AVL9: variants seen among roughly 807,000 people sequenced by gnomAD.
AVL9 encodes AVL9 cell migration associated.
Under a neutral mutation model 79.2 loss-of-function variants are expected in AVL9, and 49 were observed. The observed-to-expected ratio is 0.62, with a 90% CI of 0.49 to 0.79. AVL9 has a LOEUF of 0.79. Among genes scored for constraint, AVL9 ranks in the 30% least tolerant of loss-of-function variants. AVL9 has a pLI of 0.00. For synonymous variants in AVL9, 299 were observed against 280.6 expected (o/e 1.07, Z -0.65); for missense variants, 682 against 776.8 (o/e 0.88, Z 1.45).
rs573016400 is a variant in AVL9 at position 32,556,253 on chromosome 7, G to A, written c.609+1657G>A. Among the ~76,000 whole-genome samples the A allele has an allele frequency of 9.5e-4, 144 of 152,124 alleles. 2 individuals are homozygous for A. The highest frequency in any genetic ancestry group is 1.7e-3 in the South Asian group (8 of 4,796). Reference sequence around the variant, plus strand: ...CTTCAGGCTGGGCACAGTGGCTCACGCCTGTAATCTCAGCACTTTGGGAGG... The same window carrying A: ...CTTCAGGCTGGGCACAGTGGCTCACACCTGTAATCTCAGCACTTTGGGAGG... On this transcript the variant is annotated intron_variant, in intron 8 of 15. Transcript: ENST00000318709.
At chr7:32,520,398 C>T (rs796760536) in intron 1 of AVL9, among the ~76,000 whole-genome samples, 12 of 152,266 alleles carry the variant, frequency 7.9e-5, no homozygotes, top group African/African-American at 2.2e-4. Flanking sequence ...TATTGATGCA[C>T]GACCCACAGC....
chr7:32,557,666 C>T (rs537586109), intron 8 of AVL9, among the ~76,000 whole-genome samples: 2 of 152,064 alleles, frequency 1.3e-5, no homozygotes, highest in East Asian at 1.9e-4. Flanking sequence ...ATGTGAAGTT[C>T]GATCATTTGG....
At chr7:32,537,468 T>G (rs993174823) in intron 1 of AVL9, 2 of 145,866 alleles carry the variant, frequency 1.4e-5, no homozygotes, top group African/African-American at 2.5e-5. Context: ...GTTTTTTTTT[T>G]TTTTTTTTTT....
chr7:32,519,272 C>A (rs1005063085), intron 1 of AVL9, among the ~76,000 whole-genome samples: 4 of 151,924 alleles, frequency 2.6e-5, no homozygotes, highest in Admixed American at 6.6e-5. Flanking sequence ...ACTAAAAATA[C>A]AAAAAATTAG....
At chr7:32,583,046 A>G (rs1000458143) in intron 15 of AVL9, among the ~76,000 whole-genome samples, 2 of 152,182 alleles carry the variant, frequency 1.3e-5, no homozygotes, top group African/African-American at 2.4e-5. Flanking sequence ...ATAGAGCTCT[A>G]TACATCTTTG....
At chr7:32,549,332 C>G (rs1000689210) in intron 4 of AVL9, among the ~76,000 whole-genome samples, 3 of 151,536 alleles carry the variant, frequency 2.0e-5, no homozygotes, top group Admixed American at 6.6e-5. Context: ...TCAAGCAATC[C>G]TCCCACCTCA....
chr7:32,569,926 G>A, intron 10 of AVL9, 94 bp from the exon 11 acceptor site: 1 of 1,220,618 alleles, frequency 8.2e-7, no homozygotes, highest in Non-Finnish European at 1.2e-6. Context: ...AAGGAAGAAT[G>A]GAAGTTTCTT....
rs1380055245 is a variant in AVL9 at position 32,586,406 on chromosome 7, G to A, written c.*2499G>A. 4 of 151,714 alleles carry A rather than the reference G, an allele frequency of 2.6e-5. No individual in the cohort carries two copies. The highest frequency in any genetic ancestry group is 2.0e-4 in the Admixed American group (3 of 15,210). 9.4% of individuals were successfully genotyped at this position (151,714 alleles called of 1,614,324 possible). On this transcript the variant is annotated 3_prime_UTR_variant, in exon 16 of 16. Transcript: ENST00000318709. ...CACTGGCTGTTGTATTGTTGGCAGG[G>A]GCCCCAAGGCAGCTCGCACAATCAA... is the stretch of plus-strand genomic sequence containing the variant.
chr7:32,505,203 A>C (rs574707808), intron 1 of AVL9, among the ~76,000 whole-genome samples: 2 of 152,050 alleles, frequency 1.3e-5, no homozygotes, highest in East Asian at 3.9e-4. Flanking sequence ...TTCGTAATAT[A>C]TATCAAATCT....
intron 11 of AVL9, among the ~76,000 whole-genome samples, chr7:32,570,417 A>G (rs1451832676): frequency 6.6e-6 from 1 of 152,176 alleles, no homozygotes; most frequent in South Asian, 2.1e-4. Flanking sequence ...AACAGCCAGT[A>G]AACAGGTAAA....
At chr7:32,515,644 T>G (rs1787873412) in intron 1 of AVL9, among the ~76,000 whole-genome samples, 1 of 152,178 alleles carries the variant, frequency 6.6e-6, no homozygotes. Flanking sequence ...TGAGACCCAT[T>G]CCTAGGTAAG....
intron 1 of AVL9, among the ~76,000 whole-genome samples, chr7:32,498,594 T>C (rs1183992171): frequency 6.6e-6 from 1 of 151,868 alleles, no homozygotes; most frequent in Non-Finnish European, 1.5e-5. Flanking sequence ...ATCTATTAAC[T>C]TTATCACTTG....
Position 32,495,590 on chromosome 7 carries a change from C to G in AVL9, c.-120C>G, listed in dbSNP as rs56981934. On this transcript the variant is annotated 5_prime_UTR_variant, in exon 1 of 16. Coordinates refer to ENST00000318709, the MANE Select transcript of AVL9 (RefSeq NM_015060.3). ...CTTTGCCTCCACCGATCTCCCTGTGCGGCCCTCATGTGCTGTGCTCGCTGA... is the reference window on the plus strand; with the variant it reads ...CTTTGCCTCCACCGATCTCCCTGTGGGGCCCTCATGTGCTGTGCTCGCTGA... 0.38 allele frequency: 203,327 copies of G among 536,046 alleles called. 39,396 individuals carry two copies. The highest frequency in any genetic ancestry group is 0.46 in the East Asian group (13,099 of 28,494). The allele number at this position is 536,046 out of a possible 1,614,324, so 33.2% of individuals were successfully genotyped here.
chr7:32,584,775 TGGGGG>T lies in AVL9; in HGVS notation c.*880_*884del, dbSNP rs1179809139. 1.0e-3 allele frequency: 1 copy of T among 984 alleles called. No individual in the cohort carries two copies. Among genetic ancestry groups the T allele is most frequent in the African/African-American group, 2.2e-3 (1 of 458 alleles). The allele number at this position is 984 out of a possible 1,614,324, so 0.1% of individuals were successfully genotyped here. A position where few individuals can be genotyped will look rare whatever the true frequency, so the allele number is the denominator to read the frequency against. On this transcript the variant is annotated 3_prime_UTR_variant, in exon 16 of 16. Coordinates refer to ENST00000318709, the MANE Select transcript of AVL9 (RefSeq NM_015060.3). ...TGCCATCTGTTTCTCTTTTTTTTTT[TGGGGG>T]GGGGGGGGGGGCGGGGTCTCACTCT...
intron 13 of AVL9, among the ~76,000 whole-genome samples, chr7:32,578,080 T>C (rs79279524): frequency 0.012 from 1,846 of 152,196 alleles, 35 homozygotes; most frequent in African/African-American, 0.042. Flanking sequence ...ACAGAAAGAA[T>C]TGGGGGCTTG....
intron 13 of AVL9, 37 bp downstream of exon 13, chr7:32,576,109 G>A: frequency 6.9e-7 from 1 of 1,456,598 alleles, no homozygotes; most frequent in Non-Finnish European, 9.6e-7. Context: ...GTACATAAAT[G>A]GTTGGTTTAC....
chr7:32,558,478 A>G lies in AVL9; in HGVS notation c.610-81A>G, dbSNP rs1262043492. ...GCCAGCTGTTATTCTTATATAAGGAATTTTTCCCTCTTTTTTATTTGTTAT... is the reference window on the plus strand; with the variant it reads ...GCCAGCTGTTATTCTTATATAAGGAGTTTTTCCCTCTTTTTTATTTGTTAT... On this transcript the variant is annotated intron_variant, in intron 8 of 15. Transcript: ENST00000318709. 4 of 1,126,808 alleles carry G rather than the reference A, an allele frequency of 3.5e-6. No individual in the cohort carries two copies. In the African/African-American group the frequency reaches 6.4e-5, roughly 18 times the overall value. The allele number at this position is 1,126,808 out of a possible 1,614,324, so 69.8% of individuals were successfully genotyped here. A position where few individuals can be genotyped will look rare whatever the true frequency, so the allele number is the denominator to read the frequency against.
chr7:32,509,982 CTT>C (rs1345771608), intron 1 of AVL9, among the ~76,000 whole-genome samples: 1 of 152,258 alleles, frequency 6.6e-6, no homozygotes, highest in East Asian at 1.9e-4. Context: ...GTCCTTGTAA[CTT>C]ACTGAGGCTG....
At chr7:32,557,853 C>CTTTTT (rs3079799) in intron 8 of AVL9, among the ~76,000 whole-genome samples, 6,436 of 70,898 alleles carry the variant, frequency 0.091, 341 homozygotes, top group South Asian at 0.15. Context: ...AGCTGTTACT[C>CTTTTT]TTTTTTTTTT....
Sources: gnomAD v4.1 joint callset for allele counts (sites outside exome capture counted in the v4.1 genomes callset) on GRCh38, gnomAD v4.1.1 for gene constraint, MANE v1.5 for transcripts, NCBI Gene and HGNC (gene_info 2026-07-23, HGNC 2026-07-21) for gene names.